Variants in TNFAIP1 observed in about 807,000 individuals in gnomAD.
The protein encoded by TNFAIP1 is BTB/POZ domain-containing adapter for CUL3-mediated RhoA degradation protein 2.
TNFAIP1 carries 20 observed loss-of-function variants against 32.6 expected under a neutral mutation model. The observed-to-expected ratio is 0.61, with a 90% CI of 0.43 to 0.89. The LOEUF is 0.89. Ranked by LOEUF, TNFAIP1 falls within the 40% of genes least tolerant of loss-of-function variation. The pLI, the probability that TNFAIP1 is intolerant of heterozygous loss-of-function variation, is 0.00. For synonymous variants in TNFAIP1, 166 were observed against 166.8 expected (o/e 1.00, Z 0.04); for missense variants, 319 against 425.1 (o/e 0.75, Z 2.20).
In TNFAIP1 at chr17:28,340,970, G is replaced by C. The variant is rs1555578075; in HGVS notation, c.376-267G>C. On this transcript the variant is annotated intron_variant, in intron 3 of 6. Coordinates refer to ENST00000226225, the MANE Select transcript of TNFAIP1 (RefSeq NM_021137.5). This position sits in a 1 kb window ranked among gnomAD's most constrained non-coding sequence, Gnocchi z 4.1. The stretch of plus-strand genomic sequence containing the variant: ...ATGTTTTCCAGGCTAGTCTCGAACT[G>C]CTGGGCTCAAGTGATCTGCCTGCCT... Among the ~76,000 whole-genome samples, 1 of 152,124 alleles carries C rather than the reference G, an allele frequency of 6.6e-6. No individual in the cohort carries two copies.
At position 28,345,027 on chromosome 17, in the gene TNFAIP1, T is replaced by G. The variant is rs1907503063; in HGVS notation, c.*427T>G. 1 of 189,374 alleles carries G rather than the reference T, an allele frequency of 5.3e-6. No individual in the cohort carries two copies. The highest frequency in any genetic ancestry group is 1.1e-5 in the Non-Finnish European group (1 of 89,188). The allele number at this position is 189,374 out of a possible 1,614,324, so 11.7% of individuals were successfully genotyped here. On this transcript the variant is annotated 3_prime_UTR_variant, in exon 7 of 7. Transcript: ENST00000226225. ...TTTCCTAAGGTGTTTAAGCACAGGC[T>G]TGATAAGTTTGGTTTTTAAAAAATA...
At position 28,341,204 on chromosome 17, in the gene TNFAIP1, C is replaced by G. The variant is rs1907349419; in HGVS notation, c.376-33C>G. On this transcript the variant is annotated intron_variant, in intron 3 of 6. Coordinates refer to ENST00000226225, the MANE Select transcript of TNFAIP1 (RefSeq NM_021137.5). ...TCGATAAGCCTGGGAAGCAGAAGAT[C>G]CTAAAGAGGGTTCTCTGTTCTGTGT... 3.1e-6 allele frequency: 5 copies of G among 1,611,998 alleles called. No individual in the cohort carries two copies. In the African/African-American group the frequency reaches 6.7e-5, roughly 22 times the overall value.
intron 6 of TNFAIP1, among the ~76,000 whole-genome samples, chr17:28,343,146 A>G (rs1462140736): frequency 6.6e-6 from 1 of 152,136 alleles, no homozygotes; most frequent in East Asian, 1.9e-4. Context: ...TCCACTTCCA[A>G]ACACTTTTAA....
chr17:28,344,247 C>T, intron 6 of TNFAIP1, 117 bp from the exon 7 acceptor site: 1 of 887,110 alleles, frequency 1.1e-6, no homozygotes, highest in Non-Finnish European at 1.8e-6. Flanking sequence ...AGACGGACCG[C>T]CACCTGTTTT....
intron 1 of TNFAIP1, chr17:28,336,651 T>G (rs1907173516): frequency 1.3e-5 from 2 of 152,250 alleles, no homozygotes. Context: ...GATTTATTCC[T>G]TTGAGGTGGG....
chr17:28,337,009 A>G (rs1907195486), intron 1 of TNFAIP1, among the ~76,000 whole-genome samples: 2 of 152,364 alleles, frequency 1.3e-5, no homozygotes, highest in South Asian at 4.1e-4. Flanking sequence ...CTTACAAGGC[A>G]TGAGCAACTG....
At chr17:28,343,855 G>A (rs555611677) in intron 6 of TNFAIP1, among the ~76,000 whole-genome samples, 4 of 152,190 alleles carry the variant, frequency 2.6e-5, no homozygotes, top group East Asian at 1.9e-4. Context: ...GACACACTGC[G>A]TCAGGCAGGC....
chr17:28,344,767 TC>T lies in TNFAIP1; in HGVS notation c.*171del. ...GGTCTGGGCAGAGGAGGGACCACAT[TC>T]CCCTGCCTTGCCCCTGAGCACTTCT... is the stretch of plus-strand genomic sequence containing the variant. On this transcript the variant is annotated 3_prime_UTR_variant, in exon 7 of 7. Transcript: ENST00000226225. 1.5e-6 allele frequency: 1 copy of T among 661,578 alleles called. No homozygotes were observed. Among genetic ancestry groups the T allele is most frequent in the Non-Finnish European group, 2.6e-6 (1 of 384,836 alleles). 41.0% of individuals were successfully genotyped at this position (661,578 alleles called of 1,614,324 possible). A position where few individuals can be genotyped will look rare whatever the true frequency, so the allele number is the denominator to read the frequency against.
chr17:28,337,125 T>C (rs1465121823), intron 1 of TNFAIP1, among the ~76,000 whole-genome samples: 2 of 152,200 alleles, frequency 1.3e-5, no homozygotes, highest in African/African-American at 4.8e-5. Context: ...TTGCCTAGAC[T>C]ACTGCTTCCT....
rs1555578344 is a variant in TNFAIP1, at chr17:28,342,489, T to C, written c.714+47T>C. The C allele has an allele frequency of 2.6e-6, 4 of 1,519,428 alleles. No homozygotes were observed. The highest frequency in any genetic ancestry group is 3.6e-6 in the Non-Finnish European group (4 of 1,116,388). The allele number at this position is 1,519,428 out of a possible 1,614,324, so 94.1% of individuals were successfully genotyped here. A position where few individuals can be genotyped will look rare whatever the true frequency, so the allele number is the denominator to read the frequency against. On this transcript the variant is annotated intron_variant, in intron 6 of 6. Coordinates refer to ENST00000226225, the MANE Select transcript of TNFAIP1 (RefSeq NM_021137.5). This position sits in a 1 kb window ranked among gnomAD's most constrained non-coding sequence, Gnocchi z 4.0. ...TGGGTAGGGGAGGACACACACCCACTGTGCGGGGGACGTGGTCGGGCTGTG... is the reference window on the plus strand; with the variant it reads ...TGGGTAGGGGAGGACACACACCCACCGTGCGGGGGACGTGGTCGGGCTGTG...
intron 1 of TNFAIP1, among the ~76,000 whole-genome samples, chr17:28,337,818 C>T (rs1907229739): frequency 6.6e-6 from 1 of 152,180 alleles, no homozygotes; most frequent in African/African-American, 2.4e-5. Context: ...ACTCTCATAT[C>T]ACTGTTTTAT....
chr17:28,342,470 G>A lies in TNFAIP1; in HGVS notation c.714+28G>A. 1 of 1,559,994 alleles carries A rather than the reference G, an allele frequency of 6.4e-7. No individual in the cohort carries two copies. The highest frequency in any genetic ancestry group is 1.2e-5 in the South Asian group (1 of 86,672). On this transcript the variant is annotated intron_variant, in intron 6 of 6. Coordinates refer to ENST00000226225, the MANE Select transcript of TNFAIP1 (RefSeq NM_021137.5). The surrounding 1 kb of genome is among the most constrained non-coding windows in gnomAD (Gnocchi z 4.0). ...GTGGGGGATTGCCCCTGCCTGGGTA[G>A]GGGAGGACACACACCCACTGTGCGG...
Position 28,341,406 on chromosome 17 carries a change from C to T in TNFAIP1, c.468C>T (p.Pro156=), listed in dbSNP as rs150081648. 1.7e-4 allele frequency: 272 copies of T among 1,614,176 alleles called. No homozygotes were observed. In the African/African-American group the frequency reaches 3.3e-3, roughly 20 times the overall value. ...EERLIESSTK[P]VVKLLYNRSN... is the part of the protein sequence containing the mutation. ...CCTCACTCTGAACTCCTTCACAGCC[C>T]GTGGTGAAGCTGCTGTACAACAGAA... Residue 156 remains proline, a splice_region_variant and synonymous_variant, in exon 5 of 7, where the codon CCC becomes CCT. Coordinates refer to ENST00000226225, the MANE Select transcript of TNFAIP1 (RefSeq NM_021137.5).
At chr17:28,341,729 C>T (rs1291851576) in intron 5 of TNFAIP1, among the ~76,000 whole-genome samples, 1 of 152,200 alleles carries the variant, frequency 6.6e-6, no homozygotes, top group African/African-American at 2.4e-5. Flanking sequence ...TGTCATCCTA[C>T]CGGGTGGAGG....
chr17:28,342,622 C>A lies in TNFAIP1; in HGVS notation c.714+180C>A. The A allele has an allele frequency of 1.7e-6, 1 of 574,208 alleles. No individual in the cohort carries two copies. Among genetic ancestry groups the A allele is most frequent in the East Asian group, 2.8e-5 (1 of 35,488 alleles). 35.6% of individuals were successfully genotyped at this position (574,208 alleles called of 1,614,324 possible). A position where few individuals can be genotyped will look rare whatever the true frequency, so the allele number is the denominator to read the frequency against. ...AAGGGGTGTGGGGAATGGACGGGAA[C>A]TGCTTTGTTCCTGACAGCGCAGGGC... On this transcript the variant is annotated intron_variant, in intron 6 of 6. Coordinates refer to ENST00000226225, the MANE Select transcript of TNFAIP1 (RefSeq NM_021137.5). This position sits in a 1 kb window ranked among gnomAD's most constrained non-coding sequence, Gnocchi z 4.0.
chr17:28,342,346 C>CG lies in TNFAIP1; in HGVS notation c.619dup (p.Glu207GlyfsTer13). 6.2e-7 allele frequency: 1 copy of CG among 1,607,616 alleles called. No individual in the cohort carries two copies. The highest frequency in any genetic ancestry group is 1.1e-5 in the South Asian group (1 of 90,902). Reference sequence around the variant, plus strand: ...TCTTCATCAAGGATGTCATTGGTGACGAGATCTGCTGCTGGTCCTTTTATG... The same window carrying CG: ...TCTTCATCAAGGATGTCATTGGTGACGGAGATCTGCTGCTGGTCCTTTTATG... On this transcript the variant is annotated frameshift_variant, in exon 6 of 7. Coordinates refer to ENST00000226225, the MANE Select transcript of TNFAIP1 (RefSeq NM_021137.5). LOFTEE classifies it high-confidence loss of function. This position sits in a 1 kb window ranked among gnomAD's most constrained non-coding sequence, Gnocchi z 4.0.
intron 1 of TNFAIP1, among the ~76,000 whole-genome samples, chr17:28,338,012 T>A (rs1907236361): frequency 6.6e-6 from 1 of 152,244 alleles, no homozygotes; most frequent in African/African-American, 2.4e-5. Context: ...TCTCTCTTTT[T>A]AAAAATTCCT....
rs542170483 is a variant in TNFAIP1 at position 28,340,003 on chromosome 17, A to C, written c.205+277A>C. ...ACTGGGCAGCGGGCAGAAGGCCGGC[A>C]GTGGCTGGTGGTTTCTGTGTTGGGC... On this transcript the variant is annotated intron_variant, in intron 2 of 6. Coordinates refer to ENST00000226225, the MANE Select transcript of TNFAIP1 (RefSeq NM_021137.5). The surrounding 1 kb of genome is among the most constrained non-coding windows in gnomAD (Gnocchi z 4.1). Among the ~76,000 whole-genome samples the C allele has an allele frequency of 5.3e-4, 81 of 152,328 alleles. No homozygotes were observed. Among genetic ancestry groups the C allele is most frequent in the South Asian group, 1.4e-3 (7 of 4,834 alleles).
At position 28,340,032 on chromosome 17, in the gene TNFAIP1, G is replaced by A. The variant is rs1329079556; in HGVS notation, c.206-277G>A. On this transcript the variant is annotated intron_variant, in intron 2 of 6. Transcript: ENST00000226225. This position sits in a 1 kb window ranked among gnomAD's most constrained non-coding sequence, Gnocchi z 4.1. ...GCTGGTGGTTTCTGTGTTGGGCTGG[G>A]CCTGGTACCCTGAGCCTAGGCCCCT... is the stretch of plus-strand genomic sequence containing the variant. Among the ~76,000 whole-genome samples, 2 of 152,220 alleles carry A rather than the reference G, an allele frequency of 1.3e-5. No homozygotes were observed. Among genetic ancestry groups the A allele is most frequent in the African/African-American group, 2.4e-5 (1 of 41,450 alleles).
Sources: gnomAD v4.1 joint callset for allele counts (sites outside exome capture counted in the v4.1 genomes callset) on GRCh38, gnomAD v4.1.1 for gene constraint, Gnocchi (gnomAD v3.1) non-coding constraint, MANE v1.5 for transcripts, NCBI Gene and HGNC (gene_info 2026-07-23, HGNC 2026-07-21) for gene names.